Variants in SUSD4 observed in about 807,000 individuals in gnomAD.
SUSD4 encodes the protein sushi domain-containing protein 4.
In SUSD4, 41 loss-of-function variants were observed where a neutral mutation model predicts 50.5. The observed-to-expected ratio is 0.81, with a 90% CI of 0.63 to 1.05. The LOEUF (loss-of-function observed/expected upper bound fraction) is 1.05. SUSD4 is among the 50% of genes least tolerant of loss of function. The pLI is 0.00. For synonymous variants in SUSD4, 257 were observed against 257.3 expected (o/e 1.00, Z 0.01); for missense variants, 580 against 634.7 (o/e 0.91, Z 0.93).
At chr1:223,263,004 C>G (rs1421409976) in intron 5 of SUSD4, among the ~76,000 whole-genome samples, 1 of 152,198 alleles carries the variant, frequency 6.6e-6, no homozygotes, top group East Asian at 1.9e-4. Context: ...ATCATATTCT[C>G]TAGTCTCCAT....
In SUSD4 at chr1:223,291,488, C is replaced by CAAAAA. The variant is rs71572850; in HGVS notation, c.361+946_361+950dup. 1.8e-3 allele frequency among the ~76,000 whole-genome samples: 88 copies of CAAAAA among 49,408 alleles called. 4 individuals are homozygous for CAAAAA. The highest frequency in any genetic ancestry group is 4.3e-3 in the African/African-American group (47 of 10,960). The allele number at this position is 49,408 out of a possible 152,430, so 32.4% of individuals were successfully genotyped here. A position where few individuals can be genotyped will look rare whatever the true frequency, so the allele number is the denominator to read the frequency against. ...TGGATGACAGAGGGAGACACTGTCT[C>CAAAAA]AAAAAAAAAAAAAAAAAAAAAAGCT... On this transcript the variant is annotated intron_variant, in intron 3 of 8. Transcript: ENST00000366878.
intron 2 of SUSD4, among the ~76,000 whole-genome samples, chr1:223,320,516 A>C (rs904621275): frequency 2.1e-4 from 32 of 152,150 alleles, no homozygotes; most frequent in African/African-American, 7.7e-4. Flanking sequence ...GCCCCCAAGG[A>C]CATCTGGCTA....
At chr1:223,230,031 T>A (rs547693888) in intron 5 of SUSD4, among the ~76,000 whole-genome samples, 1 of 152,328 alleles carries the variant, frequency 6.6e-6, no homozygotes, top group East Asian at 1.9e-4. Context: ...CTTAACCTCT[T>A]TGAGCCTTGA....
Position 223,220,858 on chromosome 1 carries a change from G to A in SUSD4, c.*1334C>T, listed in dbSNP as rs111989386. On this transcript the variant is annotated 3_prime_UTR_variant, in exon 9 of 9. Coordinates refer to ENST00000366878, the MANE Select transcript of SUSD4 (RefSeq NM_017982.4). ...TTCTTTTAATTTTTAATCAGTCTGT[G>A]TCAAGAAGAAACAGGACTTGATCAA... The A allele has an allele frequency of 7.6e-6, 3 of 396,368 alleles. No homozygotes were observed. The highest frequency in any genetic ancestry group is 4.1e-5 in the African/African-American group (2 of 48,740). The allele number at this position is 396,368 out of a possible 1,614,324, so 24.6% of individuals were successfully genotyped here.
At chr1:223,256,040 C>A (rs988556907) in intron 5 of SUSD4, among the ~76,000 whole-genome samples, 1 of 152,192 alleles carries the variant, frequency 6.6e-6, no homozygotes, top group Non-Finnish European at 1.5e-5. Context: ...TTGGCACCAG[C>A]GCCTTGCCTG....
intron 5 of SUSD4, chr1:223,263,485 T>C: frequency 1.1e-6 from 1 of 932,546 alleles, no homozygotes; most frequent in Non-Finnish European, 1.3e-6. Context: ...ATCTGGCATC[T>C]CTAGGCTAGG....
chr1:223,237,136 T>C (rs192680435), intron 5 of SUSD4, among the ~76,000 whole-genome samples: 22 of 152,196 alleles, frequency 1.4e-4, no homozygotes, highest in African/African-American at 5.3e-4. Context: ...GTTTTTAACT[T>C]CAAATTCCAC....
chr1:223,275,163 G>T (rs1225367153), intron 3 of SUSD4, among the ~76,000 whole-genome samples: 1 of 152,144 alleles, frequency 6.6e-6, no homozygotes, highest in Non-Finnish European at 1.5e-5. Context: ...GGAATTCTGG[G>T]GAGTGAACGA....
intron 7 of SUSD4, among the ~76,000 whole-genome samples, chr1:223,225,809 C>A (rs569845940): frequency 3.3e-5 from 5 of 152,226 alleles, no homozygotes; most frequent in African/African-American, 1.2e-4. Flanking sequence ...CACGTGTCCC[C>A]GCCATGCCAC....
rs551471369 is a variant in SUSD4, at chr1:223,228,518, G to T, written c.916+679C>A. 2.6e-5 allele frequency among the ~76,000 whole-genome samples: 4 copies of T among 152,334 alleles called. No individual in the cohort carries two copies. The East Asian group carries it at 7.7e-4, about 29-fold the overall frequency. ...GGAGAGAGTGGGAAGGAGACAGTGGGTGTGTGCTGGTGCCCCAGTCTCTAT... is the reference window on the plus strand; with the variant it reads ...GGAGAGAGTGGGAAGGAGACAGTGGTTGTGTGCTGGTGCCCCAGTCTCTAT... On this transcript the variant is annotated intron_variant, in intron 6 of 8. Coordinates refer to ENST00000366878, the MANE Select transcript of SUSD4 (RefSeq NM_017982.4).
At chr1:223,276,806 GACATGCAAAT>G (rs1663305912) in intron 3 of SUSD4, among the ~76,000 whole-genome samples, 1 of 152,142 alleles carries the variant, frequency 6.6e-6, no homozygotes, top group Non-Finnish European at 1.5e-5. Flanking sequence ...CTTGGGGGAA[GACATGCAAAT>G]ACTTGCCCTT....
intron 2 of SUSD4, among the ~76,000 whole-genome samples, chr1:223,327,409 A>G (rs1202931146): frequency 6.6e-6 from 1 of 152,224 alleles, no homozygotes; most frequent in East Asian, 1.9e-4. Flanking sequence ...TGATGGGTAC[A>G]CTAAAATATC....
chr1:223,306,861 C>A (rs764666045), intron 2 of SUSD4, among the ~76,000 whole-genome samples: 3 of 151,728 alleles, frequency 2.0e-5, no homozygotes, highest in African/African-American at 4.8e-5. Context: ...ATAATGAAAG[C>A]TACCTGTCTA....
chr1:223,270,098 A>G (rs528804976), intron 3 of SUSD4, among the ~76,000 whole-genome samples: 50 of 152,302 alleles, frequency 3.3e-4, no homozygotes, highest in African/African-American at 1.1e-3. Context: ...TAGGATGTCA[A>G]TGATGGGAAA....
At chr1:223,304,559 G>A (rs1486708131) in intron 2 of SUSD4, among the ~76,000 whole-genome samples, 1 of 151,632 alleles carries the variant, frequency 6.6e-6, no homozygotes, top group Non-Finnish European at 1.5e-5. Context: ...GTGCATACAG[G>A]CTAGTTTGCA....
At chr1:223,343,083 TC>T (rs1488738616) in intron 2 of SUSD4, among the ~76,000 whole-genome samples, 1 of 152,022 alleles carries the variant, frequency 6.6e-6, no homozygotes, top group African/African-American at 2.4e-5. Context: ...AGAGGAAGGC[TC>T]TCTACACTCC....
In SUSD4 at chr1:223,332,141, C is replaced by T. The variant is rs969760200; in HGVS notation, c.148+31137G>A. 1.3e-5 allele frequency among the ~76,000 whole-genome samples: 2 copies of T among 152,260 alleles called. No individual in the cohort carries two copies. The highest frequency in any genetic ancestry group is 2.9e-5 in the Non-Finnish European group (2 of 68,030). On this transcript the variant is annotated intron_variant, in intron 2 of 8. Transcript: ENST00000366878. This position sits in a 1 kb window ranked among gnomAD's most constrained non-coding sequence, Gnocchi z 4.0. ...GATTTCTAGTCCTCTTGGGCAAATG[C>T]CAATTGCTAAGTGAAACAGCACTCA...
intron 1 of SUSD4, chr1:223,363,794 G>C (rs999012209): frequency 4.8e-6 from 1 of 207,490 alleles, no homozygotes; most frequent in Non-Finnish European, 9.6e-6. Flanking sequence ...CGCGTCTCGG[G>C]GCCGCGAAGA....
At chr1:223,348,285 G>C (rs367705426) in intron 2 of SUSD4, among the ~76,000 whole-genome samples, 4 of 152,026 alleles carry the variant, frequency 2.6e-5, no homozygotes, top group Non-Finnish European at 4.4e-5. Flanking sequence ...TTCTCATTCT[G>C]CTCATATTTT....
Sources: allele counts gnomAD v4.1 joint callset (sites outside exome capture counted in the v4.1 genomes callset), GRCh38; gene constraint gnomAD v4.1.1; non-coding constraint Gnocchi (gnomAD v3.1); transcripts MANE v1.5; gene names NCBI Gene and HGNC (gene_info 2026-07-23, HGNC 2026-07-21).